The following PAWR variants were observed in gnomAD, a reference collection of about 807,000 sequenced individuals.
PAWR encodes PRKC apoptosis WT1 regulator protein.
PAWR carries 23 observed loss-of-function variants against 32.0 expected under a neutral mutation model. The observed-to-expected ratio is 0.72, with a 90% confidence interval of 0.52 to 1.02. PAWR has a LOEUF of 1.02. PAWR is among the 50% of genes least tolerant of loss of function. The probability of loss-of-function intolerance (pLI) is 0.00; values close to 1 mark genes in which losing one functional copy is unlikely to be tolerated. For missense variants in PAWR, 457 were observed against 437.7 expected (o/e 1.04, Z -0.39); for synonymous variants, 226 against 187.1 (o/e 1.21, Z -1.70).
At chr12:79,678,890 G>A (rs1414553256) in intron 2 of PAWR, among the ~76,000 whole-genome samples, 1 of 148,770 alleles carries the variant, frequency 6.7e-6, no homozygotes, top group Non-Finnish European at 1.5e-5. Flanking sequence ...TTTTTGGCGG[G>A]GGTGGGAGGC....
intron 2 of PAWR, among the ~76,000 whole-genome samples, chr12:79,682,830 G>A: frequency 6.6e-6 from 1 of 152,194 alleles, no homozygotes; most frequent in East Asian, 1.9e-4. Context: ...TCAATTGCCA[G>A]TCAAGGATGC....
At chr12:79,679,098 C>T (rs1410404096) in intron 2 of PAWR, among the ~76,000 whole-genome samples, 1 of 152,134 alleles carries the variant, frequency 6.6e-6, no homozygotes, top group Non-Finnish European at 1.5e-5. Context: ...CAGTACTTTG[C>T]TCTTTTCTCC....
chr12:79,674,537 AAAAC>A (rs1565701751), intron 2 of PAWR, among the ~76,000 whole-genome samples: 1 of 152,150 alleles, frequency 6.6e-6, no homozygotes, highest in African/African-American at 2.4e-5. Context: ...AATTCAAACA[AAAAC>A]AAAAATTGAC....
chr12:79,644,666 A>C (rs1013147167), intron 2 of PAWR, among the ~76,000 whole-genome samples: 1 of 152,160 alleles, frequency 6.6e-6, no homozygotes, highest in Non-Finnish European at 1.5e-5. Flanking sequence ...TTATTTTGTT[A>C]GCAAAAACAT....
chr12:79,594,223 A>G, intron 6 of PAWR, 106 bp downstream of exon 6: 4 of 562,652 alleles, frequency 7.1e-6, no homozygotes, highest in Non-Finnish European at 1.3e-5. Flanking sequence ...TTCACTAACA[A>G]AAGAACAAAG....
chr12:79,594,649 T>C (rs2136672793), intron 5 of PAWR, among the ~76,000 whole-genome samples: 1 of 152,300 alleles, frequency 6.6e-6, no homozygotes, highest in African/African-American at 2.4e-5. Flanking sequence ...TAAAGCTATG[T>C]TTATACAAGT....
chr12:79,621,305 C>T, intron 2 of PAWR, 98 bp from the exon 3 acceptor site: 1 of 897,156 alleles, frequency 1.1e-6, no homozygotes, highest in Non-Finnish European at 1.6e-6. Flanking sequence ...AATATTTGTG[C>T]ATTCAGAAAT....
chr12:79,676,992 G>A (rs1453273102), intron 2 of PAWR, among the ~76,000 whole-genome samples: 2 of 152,112 alleles, frequency 1.3e-5, no homozygotes, highest in African/African-American at 4.8e-5. Context: ...ATTTTTTAAT[G>A]TTCAAGAATT....
chr12:79,654,493 G>GAGCCCC (rs1877001959), intron 2 of PAWR, among the ~76,000 whole-genome samples: 1 of 152,008 alleles, frequency 6.6e-6, no homozygotes, highest in Non-Finnish European at 1.5e-5. Context: ...AGCTCTGGGA[G>GAGCCCC]AGCTGGCTTC....
intron 2 of PAWR, among the ~76,000 whole-genome samples, chr12:79,662,865 A>T (rs934340843): frequency 1.3e-5 from 2 of 152,250 alleles, no homozygotes; most frequent in African/African-American, 4.8e-5. Context: ...AGTGCTAATT[A>T]TTAATCACAA....
At chr12:79,675,029 AC>A (rs1274412747) in intron 2 of PAWR, among the ~76,000 whole-genome samples, 2 of 152,104 alleles carry the variant, frequency 1.3e-5, no homozygotes, top group Admixed American at 1.3e-4. Flanking sequence ...AAACAGAACT[AC>A]CATCCAGACC....
intron 4 of PAWR, chr12:79,603,743 T>C (rs1036439542): frequency 1.3e-5 from 2 of 149,876 alleles, no homozygotes; most frequent in Non-Finnish European, 3.0e-5. Flanking sequence ...AATGCCACTA[T>C]TTTGGCTCAC....
At chr12:79,632,296 C>CATATATAT (rs1190978680) in intron 2 of PAWR, 1 of 36,790 alleles carries the variant, frequency 2.7e-5, no homozygotes, top group Non-Finnish European at 3.8e-5. Context: ...GAAATATATA[C>CATATATAT]ATATATATAT....
chr12:79,653,237 T>C (rs1489797529), intron 2 of PAWR, among the ~76,000 whole-genome samples: 2 of 152,132 alleles, frequency 1.3e-5, no homozygotes, highest in African/African-American at 2.4e-5. Context: ...GGTTTCACCA[T>C]GTTGGCCAGG....
intron 2 of PAWR, among the ~76,000 whole-genome samples, chr12:79,624,839 G>C (rs1439989512): frequency 1.3e-5 from 2 of 152,112 alleles, no homozygotes; most frequent in African/African-American, 4.8e-5. Flanking sequence ...CTTTATTGAT[G>C]AACATTTGGG....
intron 3 of PAWR, among the ~76,000 whole-genome samples, chr12:79,616,051 T>C (rs1272481633): frequency 1.5e-5 from 2 of 135,188 alleles, no homozygotes; most frequent in Admixed American, 1.5e-4. Context: ...AGCAAGACCC[T>C]GTCTCAAAAA....
At chr12:79,612,875 C>T (rs568695154) in intron 4 of PAWR, among the ~76,000 whole-genome samples, 11 of 152,178 alleles carry the variant, frequency 7.2e-5, no homozygotes, top group South Asian at 2.1e-4. Context: ...TACACAAACA[C>T]ATTCTCTGGT....
chr12:79,600,875 G>A (rs979183333), intron 4 of PAWR, among the ~76,000 whole-genome samples: 5 of 152,064 alleles, frequency 3.3e-5, no homozygotes, highest in South Asian at 2.1e-4. Flanking sequence ...AACTTGCCAC[G>A]GCACTTGAAC....
At chr12:79,663,770 C>CA (rs1044395007) in intron 2 of PAWR, among the ~76,000 whole-genome samples, 1,788 of 138,596 alleles carry the variant, frequency 0.013, 36 homozygotes, top group African/African-American at 0.041. Context: ...CAAACAAAAC[C>CA]AAAAAAAAAA....
Sources: gnomAD v4.1 joint callset for allele counts (sites outside exome capture counted in the v4.1 genomes callset) on GRCh38, gnomAD v4.1.1 for gene constraint, MANE v1.5 for transcripts, NCBI Gene and HGNC (gene_info 2026-07-23, HGNC 2026-07-21) for gene names.